Variants in KCNH7 observed in about 807,000 individuals in gnomAD.
KCNH7 encodes the protein voltage-gated inwardly rectifying potassium channel KCNH7.
A neutral mutation model predicts 120.8 loss-of-function variants in KCNH7; 49 were observed. The ratio of observed to expected loss-of-function variants is 0.41; its 90% CI spans 0.32 to 0.51. The LOEUF is 0.51. Ranked by LOEUF, KCNH7 falls within the 20% of genes least tolerant of loss-of-function variation. The pLI is 0.38. For synonymous variants in KCNH7, 547 were observed against 516.1 expected (o/e 1.06, Z -0.81); for missense variants, 1,097 against 1,446.6 (o/e 0.76, Z 3.92).
chr2:162,696,397 T>C (rs1207826691), intron 2 of KCNH7, among the ~76,000 whole-genome samples: 1 of 152,184 alleles, frequency 6.6e-6, no homozygotes, highest in African/African-American at 2.4e-5. Context: ...TTACTGTAAT[T>C]CTATCATCCC....
At position 162,836,634 on chromosome 2, in the gene KCNH7, A is replaced by G; in HGVS notation, c.210T>C (p.His70=). The G allele has an allele frequency of 3.7e-6, 6 of 1,614,190 alleles. No individual in the cohort carries two copies. Among genetic ancestry groups the G allele is most frequent in the Non-Finnish European group, 4.2e-6 (5 of 1,180,046 alleles). The change falls in exon 2 of 16, where the codon CAT becomes CAC. Residue 70 remains histidine, a synonymous_variant. Transcript: ENST00000332142. The part of the protein sequence containing the change: ...MQKPCTCDFL[H]GPETKRHDIA... ...TATCATGCCTCTTGGTCTCGGGTCC[A>G]TGGAGAAAGTCGCAGGTGCATGGCT...
At chr2:162,706,629 C>T (rs55675407) in intron 2 of KCNH7, among the ~76,000 whole-genome samples, 13,727 of 152,020 alleles carry the variant, frequency 0.09, 1,925 homozygotes, top group African/African-American at 0.3. Context: ...CCAAAAAATA[C>T]TAACTGGTGC....
In KCNH7 at chr2:162,435,229, T is replaced by C. The variant is rs1688197832; in HGVS notation, c.1923A>G (p.Lys641=). 65 of 1,613,390 alleles carry C rather than the reference T, an allele frequency of 4.0e-5. No homozygotes were observed. Among genetic ancestry groups the C allele is most frequent in the Non-Finnish European group, 5.3e-5 (63 of 1,179,582 alleles). ...TCAACATGACACAAATTGAAAAGAT[T>C]TTCTCCGAATTCGTGTTAGGAGACA... The part of the protein sequence containing the change: ...GNVSPNTNSE[K]IFSICVMLIG... The change falls in exon 8 of 16, where the codon AAA becomes AAG. Residue 641 remains lysine, a synonymous_variant. Transcript: ENST00000332142.
At chr2:162,431,247 A>T (rs1688056735) in intron 8 of KCNH7, among the ~76,000 whole-genome samples, 1 of 152,068 alleles carries the variant, frequency 6.6e-6, no homozygotes, top group African/African-American at 2.4e-5. Flanking sequence ...ATTAGAGTTA[A>T]ACACAGGATG....
At chr2:162,658,088 A>G (rs1032872605) in intron 2 of KCNH7, among the ~76,000 whole-genome samples, 2 of 151,592 alleles carry the variant, frequency 1.3e-5, no homozygotes, top group African/African-American at 4.8e-5. Context: ...TCCTTCTGCC[A>G]TGGGAGCACA....
chr2:162,381,584 C>A (rs1303085475), intron 13 of KCNH7, among the ~76,000 whole-genome samples: 1 of 152,058 alleles, frequency 6.6e-6, no homozygotes, highest in Non-Finnish European at 1.5e-5. Context: ...AAGGAATTAG[C>A]ATATCCAAAG....
chr2:162,481,456 T>C (rs180845475), intron 6 of KCNH7, among the ~76,000 whole-genome samples: 17 of 152,306 alleles, frequency 1.1e-4, no homozygotes, highest in Middle Eastern at 3.4e-3. Context: ...TATTTTCTTA[T>C]CTTCCCACTT....
At chr2:162,740,821 C>T (rs1244755567) in intron 2 of KCNH7, among the ~76,000 whole-genome samples, 5 of 152,162 alleles carry the variant, frequency 3.3e-5, no homozygotes, top group African/African-American at 9.7e-5. Context: ...TTCCTTTCCT[C>T]TTCCCATTAC....
chr2:162,573,192 T>G (rs1693551864), intron 2 of KCNH7, among the ~76,000 whole-genome samples: 1 of 151,966 alleles, frequency 6.6e-6, no homozygotes, highest in African/African-American at 2.4e-5. Context: ...AACTTAAAAA[T>G]GTAAATAGGA....
At chr2:162,401,718 A>T (rs1687069239) in intron 9 of KCNH7, among the ~76,000 whole-genome samples, 1 of 151,890 alleles carries the variant, frequency 6.6e-6, no homozygotes, top group Non-Finnish European at 1.5e-5. Context: ...AATAGTCATG[A>T]TTTTCTGCTC....
chr2:162,530,993 G>T (rs901055010), intron 3 of KCNH7, among the ~76,000 whole-genome samples: 2 of 151,886 alleles, frequency 1.3e-5, no homozygotes, highest in African/African-American at 2.4e-5. Context: ...TGACAGAAGG[G>T]TGTAATCAAA....
chr2:162,817,661 C>A (rs1684963124), intron 2 of KCNH7, among the ~76,000 whole-genome samples: 1 of 152,110 alleles, frequency 6.6e-6, no homozygotes, highest in Non-Finnish European at 1.5e-5. Context: ...ATGTTTATGT[C>A]ATTTTTTAAT....
intron 2 of KCNH7, among the ~76,000 whole-genome samples, chr2:162,589,423 C>T (rs1694129779): frequency 6.6e-6 from 1 of 151,880 alleles, no homozygotes; most frequent in African/African-American, 2.4e-5. Flanking sequence ...GTGTGTGTCT[C>T]ATTATCAGGA....
intron 2 of KCNH7, among the ~76,000 whole-genome samples, chr2:162,630,929 C>T (rs1320015973): frequency 6.6e-6 from 1 of 152,044 alleles, no homozygotes; most frequent in Non-Finnish European, 1.5e-5. Context: ...TTCCAGGTAG[C>T]TGGGAGAGTC....
chr2:162,711,803 G>A (rs1267338116), intron 2 of KCNH7, among the ~76,000 whole-genome samples: 1 of 151,938 alleles, frequency 6.6e-6, no homozygotes, highest in Non-Finnish European at 1.5e-5. Context: ...TTCCTACAGT[G>A]AAGCAGGTTT....
intron 6 of KCNH7, among the ~76,000 whole-genome samples, chr2:162,466,679 G>A (rs761837664): frequency 6.6e-6 from 1 of 152,194 alleles, no homozygotes; most frequent in African/African-American, 2.4e-5. Flanking sequence ...GCCATTTTGT[G>A]TAGTGTTACT....
At chr2:162,807,677 T>G (rs12105755) in intron 2 of KCNH7, among the ~76,000 whole-genome samples, 78,532 of 151,640 alleles carry the variant, frequency 0.52, 21,453 homozygotes, top group South Asian at 0.73. Flanking sequence ...ATCCATTTTT[T>G]GTTTTGTTTT....
At chr2:162,621,292 G>A (rs1399639758) in intron 2 of KCNH7, among the ~76,000 whole-genome samples, 1 of 103,862 alleles carries the variant, frequency 9.6e-6, no homozygotes, top group East Asian at 3.3e-4. Flanking sequence ...GAGAGAATAT[G>A]TAAGAGTGAC....
At chr2:162,553,229 C>G (rs1046752913) in intron 2 of KCNH7, among the ~76,000 whole-genome samples, 9 of 150,930 alleles carry the variant, frequency 6.0e-5, no homozygotes, top group African/African-American at 2.2e-4. Context: ...TCAGTAGAGG[C>G]ACTAAGCAAG....
Sources: allele counts gnomAD v4.1 joint callset (sites outside exome capture counted in the v4.1 genomes callset), GRCh38; gene constraint gnomAD v4.1.1; transcripts MANE v1.5; gene names NCBI Gene and HGNC (gene_info 2026-07-23, HGNC 2026-07-21).